Variants in HMCN1 observed in about 807,000 individuals in gnomAD.
The protein encoded by HMCN1 is hemicentin-1.
In HMCN1, 321 loss-of-function variants were observed where a neutral mutation model predicts 625.9. That is an observed-to-expected ratio of 0.51 (90% CI 0.47 to 0.56). The LOEUF (loss-of-function observed/expected upper bound fraction) is 0.56. Among genes scored for constraint, HMCN1 ranks in the 20% least tolerant of loss-of-function variants. The probability of loss-of-function intolerance (pLI) is 0.00; values close to 1 mark genes in which losing one functional copy is unlikely to be tolerated. For missense variants in HMCN1, 6,588 were observed against 6,887.3 expected (o/e 0.96, Z 1.54); for synonymous variants, 2,425 against 2,417.6 (o/e 1.00, Z -0.09).
intron 89 of HMCN1, among the ~76,000 whole-genome samples, chr1:186,138,457 T>G (rs1649760949): frequency 6.6e-6 from 1 of 152,140 alleles, no homozygotes; most frequent in Non-Finnish European, 1.5e-5. Context: ...TGATTTTGTG[T>G]TTTAGCACTC....
intron 97 of HMCN1, among the ~76,000 whole-genome samples, chr1:186,156,713 A>G (rs1054455419): frequency 6.6e-6 from 1 of 152,236 alleles, no homozygotes; most frequent in African/African-American, 2.4e-5. Flanking sequence ...ACTGTTATTT[A>G]TAATAGAAAA....
intron 22 of HMCN1, among the ~76,000 whole-genome samples, chr1:185,992,253 G>C (rs545030462): frequency 6.6e-6 from 1 of 152,256 alleles, no homozygotes; most frequent in East Asian, 1.9e-4. Flanking sequence ...TTGTTGTACA[G>C]AAGGTTTCAG....
chr1:186,095,598 T>C (rs901062509), intron 68 of HMCN1, 77 bp downstream of exon 68: 37 of 1,456,446 alleles, frequency 2.5e-5, no homozygotes, highest in Admixed American at 6.4e-5. Flanking sequence ...AGTATAATTC[T>C]GAGAATCAGT....
intron 1 of HMCN1, among the ~76,000 whole-genome samples, chr1:185,756,969 TAG>T (rs911233068): frequency 3.3e-5 from 5 of 149,664 alleles, no homozygotes; most frequent in Non-Finnish European, 5.9e-5. Flanking sequence ...CAGCTTCCCA[TAG>T]ATTTATTTTA....
At chr1:185,906,444 G>C (rs1427816164) in intron 4 of HMCN1, among the ~76,000 whole-genome samples, 1 of 151,742 alleles carries the variant, frequency 6.6e-6, no homozygotes, top group Admixed American at 6.6e-5. Flanking sequence ...CTTATATTCT[G>C]TACCATTTGA....
intron 1 of HMCN1, among the ~76,000 whole-genome samples, chr1:185,789,023 TTTG>T (rs1233709148): frequency 1.3e-5 from 2 of 152,206 alleles, no homozygotes; most frequent in East Asian, 3.8e-4. Flanking sequence ...TTTAACTACA[TTTG>T]TTTTTATTAA....
Position 186,115,319 on chromosome 1 carries a change from T to A in HMCN1, c.11466T>A (p.Thr3822=). ...NMTVIVNVQT[T]LACEATGIPK... ...CTGTAATAGTAAATGTTCAAACTAC[T>A]CTGGCTTGTGAGGCTACTGGGATAC... Residue 3822 remains threonine, a synonymous_variant, in exon 75 of 107, where the codon ACT becomes ACA. Coordinates refer to ENST00000271588, the MANE Select transcript of HMCN1 (RefSeq NM_031935.3). 7 of 1,614,062 alleles carry A rather than the reference T, an allele frequency of 4.3e-6. No homozygotes were observed. The highest frequency in any genetic ancestry group is 5.9e-6 in the Non-Finnish European group (7 of 1,179,956).
At position 186,108,911 on chromosome 1, in the gene HMCN1, TAAAAG is replaced by T. The variant is rs762694134; in HGVS notation, c.10989+316_10989+320del. 1.2e-4 allele frequency among the ~76,000 whole-genome samples: 18 copies of T among 152,326 alleles called. No homozygotes were observed. In the South Asian group the frequency reaches 1.4e-3, roughly 12 times the overall value. On this transcript the variant is annotated intron_variant, in intron 71 of 106. Coordinates refer to ENST00000271588, the MANE Select transcript of HMCN1 (RefSeq NM_031935.3). ...TGATTTGAAATACTCAGCTATTTCT[TAAAAG>T]AGAAGAAACCATCAAAGTCTCAAAA...
intron 80 of HMCN1, among the ~76,000 whole-genome samples, chr1:186,122,163 T>C (rs1661427804): frequency 6.6e-6 from 1 of 152,184 alleles, no homozygotes; most frequent in African/African-American, 2.4e-5. Flanking sequence ...TCGGAGATAA[T>C]TGCTTCCTCA....
At chr1:185,887,399 T>G (rs984947643) in intron 4 of HMCN1, among the ~76,000 whole-genome samples, 2 of 151,642 alleles carry the variant, frequency 1.3e-5, no homozygotes, top group African/African-American at 4.9e-5. Context: ...GCTGGTGTGC[T>G]GCACCCACTA....
Position 186,095,506 on chromosome 1 carries a change from A to G in HMCN1, c.10558A>G (p.Ile3520Val), listed in dbSNP as rs759494055. Reference sequence around the variant, plus strand: ...AGCTGGAGAAGTCAGCAAGCACTTTATCCTCAAGGTCCTAGGTATGTAAAC... The same window carrying G: ...AGCTGGAGAAGTCAGCAAGCACTTTGTCCTCAAGGTCCTAGGTATGTAAAC... The part of the protein sequence containing the change: ...NEAGEVSKHF[I>V]LKVLEPPHIN... Residue 3520 changes from isoleucine (I) to valine (V), a missense_variant, in exon 68 of 107, where the codon ATC becomes GTC. Ile to Val is a conservative substitution (Grantham distance 29). Coordinates refer to ENST00000271588, the MANE Select transcript of HMCN1 (RefSeq NM_031935.3). 1.2e-6 allele frequency: 2 copies of G among 1,613,648 alleles called. No individual in the cohort carries two copies. The highest frequency in any genetic ancestry group is 1.7e-6 in the Non-Finnish European group (2 of 1,179,702).
intron 106 of HMCN1, 30 bp from the exon 107 acceptor site, chr1:186,189,482 A>G: frequency 4.3e-6 from 7 of 1,610,798 alleles, no homozygotes; most frequent in East Asian, 2.2e-5. Flanking sequence ...CCAGATAACT[A>G]TGTGTATTTG....
chr1:186,067,040 T>G (rs1011405827), intron 49 of HMCN1, among the ~76,000 whole-genome samples: 2 of 152,190 alleles, frequency 1.3e-5, no homozygotes, highest in Non-Finnish European at 2.9e-5. Context: ...ATATTCAGAA[T>G]GGAACAAACT....
chr1:186,095,865 A>G (rs1217263955), intron 68 of HMCN1, among the ~76,000 whole-genome samples: 1 of 152,168 alleles, frequency 6.6e-6, no homozygotes, highest in Non-Finnish European at 1.5e-5. Context: ...TAATAGGTAT[A>G]CTATGATATG....
intron 11 of HMCN1, among the ~76,000 whole-genome samples, chr1:185,937,922 A>G (rs950267988): frequency 6.8e-6 from 1 of 148,100 alleles, no homozygotes; most frequent in South Asian, 2.1e-4. Context: ...TAATAATAAT[A>G]GTAATAATAA....
intron 4 of HMCN1, among the ~76,000 whole-genome samples, chr1:185,879,345 T>TA: frequency 6.6e-6 from 1 of 151,578 alleles, no homozygotes; most frequent in East Asian, 1.9e-4. Flanking sequence ...TAATTTTTGA[T>TA]TTTTTTTGTA....
intron 34 of HMCN1, among the ~76,000 whole-genome samples, chr1:186,019,299 A>C (rs2102149774): frequency 6.6e-6 from 1 of 152,188 alleles, no homozygotes. Flanking sequence ...GGATTACGGT[A>C]GCCATAAATA....
At chr1:186,086,447 A>C in intron 58 of HMCN1, 40 bp downstream of exon 58, 28 of 1,589,766 alleles carry the variant, frequency 1.8e-5, no homozygotes, top group Middle Eastern at 1.7e-4. Context: ...AAATTTTCTC[A>C]TCTTTATTTT....
Position 185,778,345 on chromosome 1 carries a change from A to AT in HMCN1, c.268+43311dup, listed in dbSNP as rs67927353. ...AAAATTGTGTCTTATTTTCTCTTTC[A>AT]TTTTTTTTTTTTTAATTATACTTTA... On this transcript the variant is annotated intron_variant, in intron 1 of 106. Coordinates refer to ENST00000271588, the MANE Select transcript of HMCN1 (RefSeq NM_031935.3). Among the ~76,000 whole-genome samples, 552 of 139,406 alleles carry AT rather than the reference A, an allele frequency of 4.0e-3. 5 individuals are homozygous for AT. Among genetic ancestry groups the AT allele is most frequent in the African/African-American group, 9.0e-3 (340 of 37,892 alleles). The allele number at this position is 139,406 out of a possible 152,430, so 91.5% of individuals were successfully genotyped here.
Sources: gnomAD v4.1 joint callset for allele counts (sites outside exome capture counted in the v4.1 genomes callset) on GRCh38, gnomAD v4.1.1 for gene constraint, MANE v1.5 for transcripts, NCBI Gene and HGNC (gene_info 2026-07-23, HGNC 2026-07-21) for gene names.